Variants in TFB1M observed in about 807,000 individuals in gnomAD.
TFB1M encodes dimethyladenosine transferase 1, mitochondrial.
Under a neutral mutation model 31.1 loss-of-function variants are expected in TFB1M, and 27 were observed. The ratio of observed to expected loss-of-function variants is 0.87; its 90% CI spans 0.64 to 1.20. The LOEUF (loss-of-function observed/expected upper bound fraction) is 1.20, where lower values mean the gene tolerates loss of function less well. Among genes scored for constraint, TFB1M ranks in the 50% most tolerant of loss-of-function variants. TFB1M has a pLI of 0.00. For synonymous variants in TFB1M, 166 were observed against 151.8 expected, an observed-to-expected ratio of 1.09 and a Z score of -0.69; for missense variants, 394 against 418.7, an observed-to-expected ratio of 0.94 and a Z score of 0.51.
At chr6:155,249,821 A>G in the TFB1M span, 1 of 1,566,236 alleles carries the variant, frequency 6.4e-7, no homozygotes, top group South Asian at 1.1e-5. Flanking sequence ...AATAACAGTT[A>G]TGAAATAAAT....
the TFB1M span, chr6:155,245,553 G>A: frequency 1.6e-5 from 21 of 1,313,430 alleles, no homozygotes; most frequent in East Asian, 2.8e-4. Flanking sequence ...CCATGGGGCC[G>A]TCAAATGCCA....
At chr6:155,293,662 T>A (rs567605385) in intron 4 of TFB1M, among the ~76,000 whole-genome samples, 1 of 152,340 alleles carries the variant, frequency 6.6e-6, no homozygotes, top group South Asian at 2.1e-4. Context: ...TTTATCTCAG[T>A]GACCTTGAGA....
At chr6:155,234,587 T>C in the TFB1M span, among the ~76,000 whole-genome samples, 1 of 152,204 alleles carries the variant, frequency 6.6e-6, no homozygotes, top group African/African-American at 2.4e-5. Flanking sequence ...TTATCTTTTG[T>C]AGCGATGGGT....
At chr6:155,273,071 G>A (rs1785010398) in intron 5 of TFB1M, among the ~76,000 whole-genome samples, 2 of 152,176 alleles carry the variant, frequency 1.3e-5, no homozygotes, top group African/African-American at 4.8e-5. Context: ...GCTGAAAATG[G>A]TCCAGAGGCA....
At chr6:155,309,746 T>TTAA (rs1219892547) in intron 2 of TFB1M, among the ~76,000 whole-genome samples, 4 of 152,194 alleles carry the variant, frequency 2.6e-5, no homozygotes, top group Admixed American at 2.0e-4. Flanking sequence ...ATTATACAGT[T>TTAA]ATTTAGTTTC....
At chr6:155,258,397 C>T (rs935192737) in intron 6 of TFB1M, among the ~76,000 whole-genome samples, 2 of 152,184 alleles carry the variant, frequency 1.3e-5, no homozygotes, top group Non-Finnish European at 2.9e-5. Context: ...CTTGTAGAAA[C>T]ATAAGCTTGA....
chr6:155,235,700 G>A, the TFB1M span, among the ~76,000 whole-genome samples: 1 of 152,182 alleles, frequency 6.6e-6, no homozygotes, highest in East Asian at 1.9e-4. Flanking sequence ...TACAAAAGGT[G>A]GCTTTCTAGC....
In TFB1M at chr6:155,305,220, T is replaced by TTATA. The variant is rs543626045; in HGVS notation, c.285+5964_285+5967dup. 5.0e-5 allele frequency among the ~76,000 whole-genome samples: 2 copies of TTATA among 39,844 alleles called. 1 individual carries two copies. Among genetic ancestry groups the TTATA allele is most frequent in the African/African-American group, 2.5e-4 (2 of 7,990 alleles). 26.1% of individuals were successfully genotyped at this position (39,844 alleles called of 152,430 possible). Reference sequence around the variant, plus strand: ...TTTATATATATATTAAATTATATATTTATATATATATATTAAATTATATAT... The same window carrying TTATA: ...TTTATATATATATTAAATTATATATTTATATATATATATATATTAAATTATATAT... On this transcript the variant is annotated intron_variant, in intron 2 of 6. Coordinates refer to ENST00000367166, the MANE Select transcript of TFB1M (RefSeq NM_016020.4).
At chr6:155,275,015 G>A (rs574532791) in intron 5 of TFB1M, among the ~76,000 whole-genome samples, 76 of 151,744 alleles carry the variant, frequency 5.0e-4, no homozygotes, top group Non-Finnish European at 7.7e-4. Flanking sequence ...TCAGGAGATC[G>A]AGACCATCCT....
the TFB1M span, chr6:155,240,812 TC>T: frequency 8.1e-7 from 1 of 1,234,218 alleles, no homozygotes; most frequent in Non-Finnish European, 1.1e-6. Flanking sequence ...CACCTGCCAC[TC>T]CCCAGGGGGG....
At chr6:155,305,816 T>A (rs1777740616) in intron 2 of TFB1M, among the ~76,000 whole-genome samples, 1 of 138,778 alleles carries the variant, frequency 7.2e-6, no homozygotes, top group South Asian at 2.1e-4. Context: ...TTGGCAAATA[T>A]TTTAAAAATA....
rs149865438 is a variant in TFB1M, at chr6:155,310,956, A to C, written c.285+232T>G. On this transcript the variant is annotated intron_variant, in intron 2 of 6. Coordinates refer to ENST00000367166, the MANE Select transcript of TFB1M (RefSeq NM_016020.4). ...TTAATTTGTTTAGCATAAATGCTTA[A>C]AGCAGGTTTTTTTCAAGGTGTAGTC... The C allele has an allele frequency of 2.8e-3, 1,535 of 553,238 alleles. 20 individuals carry two copies. Among genetic ancestry groups the C allele is most frequent in the African/African-American group, 0.026 (1,374 of 53,190 alleles). 34.3% of individuals were successfully genotyped at this position (553,238 alleles called of 1,614,324 possible).
chr6:155,312,146 T>C (rs1369471954), intron 1 of TFB1M, among the ~76,000 whole-genome samples: 1 of 152,164 alleles, frequency 6.6e-6, no homozygotes, highest in Non-Finnish European at 1.5e-5. Flanking sequence ...AGTGGAAATT[T>C]AGTCACTAAA....
In TFB1M at chr6:155,311,185, C is replaced by T. The variant is rs745313566; in HGVS notation, c.285+3G>A. The T allele has an allele frequency of 4.3e-6, 7 of 1,613,886 alleles. No homozygotes were observed. In the African/African-American group the frequency reaches 9.3e-5, roughly 22 times the overall value. ...CCTAAAGCAGACACTTTAAGCATCT[C>T]ACCTGTAATCCAGGAATAAATCGAG... On this transcript the variant is annotated splice_donor_region_variant and intron_variant, in intron 2 of 6. Transcript: ENST00000367166.
the TFB1M span, chr6:155,248,030 TG>T: frequency 6.2e-7 from 1 of 1,614,228 alleles, no homozygotes; most frequent in Non-Finnish European, 8.5e-7. Context: ...AAGGCTTTTC[TG>T]GACGCCCGGA....
chr6:155,309,641 T>C (rs554741221), intron 2 of TFB1M, among the ~76,000 whole-genome samples: 3 of 152,152 alleles, frequency 2.0e-5, no homozygotes, highest in Non-Finnish European at 4.4e-5. Context: ...CAACGAATGG[T>C]GAGATATGAG....
At chr6:155,275,674 G>A in intron 5 of TFB1M, 1 of 1,535,318 alleles carries the variant, frequency 6.5e-7, no homozygotes, top group East Asian at 2.3e-5. Context: ...AGCCATCATT[G>A]TTAAACATCA....
chr6:155,239,504 C>A, the TFB1M span, among the ~76,000 whole-genome samples: 2 of 152,204 alleles, frequency 1.3e-5, no homozygotes, highest in Non-Finnish European at 2.9e-5. Flanking sequence ...TGTAATCTGA[C>A]CCTGCTCCAG....
At chr6:155,270,956 C>A (rs142605388) in intron 5 of TFB1M, among the ~76,000 whole-genome samples, 2 of 152,194 alleles carry the variant, frequency 1.3e-5, no homozygotes, top group South Asian at 2.1e-4. Context: ...AAGCTTACAA[C>A]GACTTAGAGA....
Sources: gnomAD v4.1 joint callset for allele counts (sites outside exome capture counted in the v4.1 genomes callset) on GRCh38, gnomAD v4.1.1 for gene constraint, MANE v1.5 for transcripts, NCBI Gene and HGNC (gene_info 2026-07-23, HGNC 2026-07-21) for gene names.